The following GPC5 variants were observed in gnomAD, a reference collection of about 807,000 sequenced individuals.
GPC5 encodes the protein glypican-5.
A neutral mutation model predicts 53.9 loss-of-function variants in GPC5; 47 were observed. The observed-to-expected ratio is 0.87, with a 90% CI of 0.69 to 1.11. GPC5 has a LOEUF of 1.11. GPC5 is among the 50% of genes most tolerant of loss of function. The pLI is 0.00. For missense variants in GPC5, 748 were observed against 713.1 expected (o/e 1.05, Z -0.56); for synonymous variants, 286 against 263.3 (o/e 1.09, Z -0.84).
intron 5 of GPC5, among the ~76,000 whole-genome samples, chr13:91,901,676 T>C (rs1191888624): frequency 6.6e-6 from 1 of 152,020 alleles, no homozygotes; most frequent in Non-Finnish European, 1.5e-5. Flanking sequence ...GTATGGAAAA[T>C]TTGTTCTTGT....
intron 6 of GPC5, among the ~76,000 whole-genome samples, chr13:92,045,316 A>G (rs1177654441): frequency 1.3e-5 from 2 of 152,246 alleles, no homozygotes; most frequent in Non-Finnish European, 2.9e-5. Flanking sequence ...GAAGCAATAT[A>G]TGAACCTGTA....
chr13:92,801,348 T>C (rs1167577700), intron 7 of GPC5, among the ~76,000 whole-genome samples: 3 of 151,760 alleles, frequency 2.0e-5, no homozygotes, highest in African/African-American at 7.2e-5. Context: ...TCTTAGCTGT[T>C]GTAACATCTT....
chr13:92,738,431 T>TAATA (rs1372722801), intron 7 of GPC5, among the ~76,000 whole-genome samples: 1 of 152,060 alleles, frequency 6.6e-6, no homozygotes, highest in African/African-American at 2.4e-5. Flanking sequence ...TTTTAAAATG[T>TAATA]AATATTTTCT....
chr13:92,458,823 C>T (rs992756307), intron 7 of GPC5, among the ~76,000 whole-genome samples: 5 of 152,076 alleles, frequency 3.3e-5, no homozygotes, highest in East Asian at 3.9e-4. Flanking sequence ...ATCCTTATTA[C>T]GGTCATCATC....
chr13:92,650,049 C>A (rs1885903850), intron 7 of GPC5, among the ~76,000 whole-genome samples: 1 of 152,020 alleles, frequency 6.6e-6, no homozygotes, highest in South Asian at 2.1e-4. Flanking sequence ...GTTGTTGTTT[C>A]TCATCATAAG....
rs1237206798 is a variant in GPC5, at chr13:92,186,238, G to A, written c.1561+41249G>A. 5.3e-5 allele frequency among the ~76,000 whole-genome samples: 8 copies of A among 151,794 alleles called. No homozygotes were observed. The East Asian group carries it at 7.7e-4, about 15-fold the overall frequency. On this transcript the variant is annotated intron_variant, in intron 7 of 7. Coordinates refer to ENST00000377067, the MANE Select transcript of GPC5 (RefSeq NM_004466.6). ...TTTAATAATTTTTAACAAATAAGTT[G>A]TAAATGTAGATCCTTAATATAGGTT...
intron 6 of GPC5, among the ~76,000 whole-genome samples, chr13:92,004,057 C>T (rs2040581196): frequency 6.6e-6 from 1 of 152,096 alleles, no homozygotes; most frequent in South Asian, 2.1e-4. Context: ...TTAGCTGAAG[C>T]TATTTTTCCT....
intron 7 of GPC5, among the ~76,000 whole-genome samples, chr13:92,339,208 T>C (rs2043346611): frequency 6.6e-6 from 1 of 151,464 alleles, no homozygotes; most frequent in South Asian, 2.1e-4. Flanking sequence ...ATATACATTA[T>C]GCTATTTGAT....
chr13:92,683,811 C>G (rs1887174413), intron 7 of GPC5, among the ~76,000 whole-genome samples: 1 of 152,076 alleles, frequency 6.6e-6, no homozygotes, highest in Non-Finnish European at 1.5e-5. Context: ...TCCAAAGACT[C>G]TCTCACTCCA....
At chr13:92,451,216 G>C (rs1878048171) in intron 7 of GPC5, among the ~76,000 whole-genome samples, 1 of 152,094 alleles carries the variant, frequency 6.6e-6, no homozygotes, top group Non-Finnish European at 1.5e-5. Flanking sequence ...TGGTAGGCAG[G>C]ATTCAAAAAT....
intron 2 of GPC5, among the ~76,000 whole-genome samples, chr13:91,505,024 T>G (rs1884870263): frequency 6.6e-6 from 1 of 152,168 alleles, no homozygotes; most frequent in African/African-American, 2.4e-5. Context: ...ATATATCACA[T>G]GGTTTCATAG....
intron 5 of GPC5, among the ~76,000 whole-genome samples, chr13:91,891,927 A>G (rs566789902): frequency 6.6e-6 from 1 of 152,260 alleles, no homozygotes; most frequent in South Asian, 2.1e-4. Context: ...AATTCAAAAC[A>G]AAACTGTGGG....
chr13:92,082,903 G>A (rs1159871254), intron 6 of GPC5, among the ~76,000 whole-genome samples: 2 of 152,124 alleles, frequency 1.3e-5, no homozygotes, highest in Non-Finnish European at 2.9e-5. Context: ...CCAGTACAGA[G>A]ATGTGTCTAC....
intron 7 of GPC5, among the ~76,000 whole-genome samples, chr13:92,613,736 T>TAGA (rs952159652): frequency 1.4e-5 from 2 of 146,180 alleles, no homozygotes; most frequent in African/African-American, 5.0e-5. Flanking sequence ...TACATGCGTA[T>TAGA]AGAACCAGGT....
Position 92,599,789 on chromosome 13 carries a change from G to C in GPC5, c.1562-266493G>C, listed in dbSNP as rs540516349. ...TGGATAATTTTCCTGGATTAAGAGA[G>C]AGGGTTAAATTAAGACTTTTTTTTT... On this transcript the variant is annotated intron_variant, in intron 7 of 7. Transcript: ENST00000377067. Among the ~76,000 whole-genome samples the C allele has an allele frequency of 1.3e-4, 17 of 132,442 alleles. No homozygotes were observed. The South Asian group carries it at 3.3e-3, about 26-fold the overall frequency. 86.9% of individuals were successfully genotyped at this position (132,442 alleles called of 152,430 possible).
At chr13:92,694,467 A>T (rs1203414062) in intron 7 of GPC5, among the ~76,000 whole-genome samples, 1 of 152,192 alleles carries the variant, frequency 6.6e-6, no homozygotes, top group Non-Finnish European at 1.5e-5. Context: ...TTGCATTAGC[A>T]TCCCTTGATG....
chr13:92,589,274 T>G (rs1292329679), intron 7 of GPC5, among the ~76,000 whole-genome samples: 1 of 152,186 alleles, frequency 6.6e-6, no homozygotes, highest in Non-Finnish European at 1.5e-5. Flanking sequence ...TTTCTCCTGT[T>G]CTTTCAAATG....
intron 7 of GPC5, among the ~76,000 whole-genome samples, chr13:92,302,508 T>G (rs1458834598): frequency 6.6e-6 from 1 of 152,228 alleles, no homozygotes; most frequent in Non-Finnish European, 1.5e-5. Context: ...GGTACTGCAT[T>G]TATTTTTATT....
intron 5 of GPC5, among the ~76,000 whole-genome samples, chr13:91,760,090 C>T (rs1194916309): frequency 1.3e-5 from 2 of 151,650 alleles, no homozygotes; most frequent in Non-Finnish European, 2.9e-5. Context: ...AATTATGGGC[C>T]ATTATTGTTT....
Sources: allele counts gnomAD v4.1 joint callset (sites outside exome capture counted in the v4.1 genomes callset), GRCh38; gene constraint gnomAD v4.1.1; transcripts MANE v1.5; gene names NCBI Gene and HGNC (gene_info 2026-07-23, HGNC 2026-07-21).